The following MACROD2 variants were observed in gnomAD, a reference collection of about 807,000 sequenced individuals.
MACROD2 encodes mono-ADP ribosylhydrolase 2, also known as ADP-ribose glycohydrolase MACROD2.
Under a neutral mutation model 70.4 loss-of-function variants are expected in MACROD2, and 36 were observed. The ratio of observed to expected loss-of-function variants is 0.51; its 90% CI spans 0.39 to 0.68. The LOEUF is 0.68. MACROD2 is among the 30% of genes least tolerant of loss of function. The pLI, the probability that MACROD2 is intolerant of heterozygous loss-of-function variation, is 0.00. For missense variants in MACROD2, 496 were observed against 538.4 expected (o/e 0.92, Z 0.78); for synonymous variants, 172 against 178.8 (o/e 0.96, Z 0.30).
intron 15 of MACROD2, among the ~76,000 whole-genome samples, chr20:16,034,325 G>A (rs917968565): frequency 2.6e-5 from 4 of 151,940 alleles, no homozygotes; most frequent in African/African-American, 4.8e-5. Flanking sequence ...TGATATTGAC[G>A]CTGTGTTATT....
intron 5 of MACROD2, among the ~76,000 whole-genome samples, chr20:14,959,061 G>T (rs892238825): frequency 2.0e-5 from 3 of 152,114 alleles, no homozygotes; most frequent in African/African-American, 4.8e-5. Context: ...AAATTCAAAA[G>T]GTGAAAAGTA....
chr20:15,404,981 AAT>A (rs2045979696), intron 6 of MACROD2, among the ~76,000 whole-genome samples: 1 of 152,260 alleles, frequency 6.6e-6, no homozygotes, highest in Non-Finnish European at 1.5e-5. Flanking sequence ...TACGTGCTAC[AAT>A]ATGAGTGAAC....
Position 14,343,196 on chromosome 20 carries a change from G to A in MACROD2, c.272-150283G>A, listed in dbSNP as rs550937680. ...GTCAAAGCTGTGTCCTTGACCCCTTGCCACTCCCCAGTGCCCTGTCCCCTT... is the reference window on the plus strand; with the variant it reads ...GTCAAAGCTGTGTCCTTGACCCCTTACCACTCCCCAGTGCCCTGTCCCCTT... On this transcript the variant is annotated intron_variant, in intron 3 of 17. Transcript: ENST00000684519. 3.0e-4 allele frequency among the ~76,000 whole-genome samples: 45 copies of A among 150,910 alleles called. 1 individual carries two copies. Among genetic ancestry groups the A allele is most frequent in the Admixed American group, 2.3e-3 (34 of 15,098 alleles).
At chr20:15,176,177 A>C (rs1431648648) in intron 5 of MACROD2, among the ~76,000 whole-genome samples, 1 of 152,296 alleles carries the variant, frequency 6.6e-6, no homozygotes, top group East Asian at 1.9e-4. Flanking sequence ...GAGGGAAGCA[A>C]AGGAGGGGCT....
chr20:15,041,043 C>G (rs555651442), intron 5 of MACROD2, among the ~76,000 whole-genome samples: 1 of 152,220 alleles, frequency 6.6e-6, no homozygotes, highest in Non-Finnish European at 1.5e-5. Flanking sequence ...ACTGGTATGA[C>G]TTGTTATATG....
At chr20:15,410,222 C>T (rs147998121) in intron 6 of MACROD2, among the ~76,000 whole-genome samples, 1 of 152,234 alleles carries the variant, frequency 6.6e-6, no homozygotes, top group East Asian at 1.9e-4. Context: ...AGCCTTACTC[C>T]ACCACTCTCC....
chr20:14,309,159 A>G (rs2082544941), intron 3 of MACROD2, among the ~76,000 whole-genome samples: 1 of 152,062 alleles, frequency 6.6e-6, no homozygotes, highest in Non-Finnish European at 1.5e-5. Context: ...TTTATAATTT[A>G]TTTCTTACAT....
intron 5 of MACROD2, among the ~76,000 whole-genome samples, chr20:14,807,094 A>G (rs2122160086): frequency 6.6e-6 from 1 of 152,238 alleles, no homozygotes; most frequent in African/African-American, 2.4e-5. Flanking sequence ...AGCTCTGCCA[A>G]GGGACAGACT....
At chr20:14,887,589 T>C (rs1056038325) in intron 5 of MACROD2, among the ~76,000 whole-genome samples, 1 of 151,934 alleles carries the variant, frequency 6.6e-6, no homozygotes, top group Admixed American at 6.6e-5. Flanking sequence ...CGTTTCACCA[T>C]GTTGCCCAGG....
At chr20:15,940,681 A>AC (rs1026216814) in intron 12 of MACROD2, among the ~76,000 whole-genome samples, 5 of 152,182 alleles carry the variant, frequency 3.3e-5, no homozygotes, top group Admixed American at 1.3e-4. Flanking sequence ...TTTAGTGAAA[A>AC]AGTATTTTTC....
intron 6 of MACROD2, among the ~76,000 whole-genome samples, chr20:15,389,813 ATCAG>A (rs1253972281): frequency 2.0e-5 from 3 of 152,212 alleles, no homozygotes; most frequent in Non-Finnish European, 2.9e-5. Context: ...TTAAATATAT[ATCAG>A]TCAATAATAT....
chr20:14,469,598 A>G (rs1054881131), intron 3 of MACROD2, among the ~76,000 whole-genome samples: 1 of 151,708 alleles, frequency 6.6e-6, no homozygotes, highest in Non-Finnish European at 1.5e-5. Context: ...ACATAGTCCC[A>G]TATTTCTTGG....
In MACROD2 at chr20:15,194,245, CAAAAAAAA is replaced by C. The variant is rs71190180; in HGVS notation, c.419-35677_419-35670del. ...TGGGTGACAGAGCGACACTCTGTCT[CAAAAAAAA>C]AAAAAAAAAAAAAAAAAGCTTCTTC... On this transcript the variant is annotated intron_variant, in intron 5 of 17. Transcript: ENST00000684519. 1.0e-4 allele frequency among the ~76,000 whole-genome samples: 5 copies of C among 49,846 alleles called. No individual in the cohort carries two copies. The Admixed American group carries it at 1.0e-3, about 10-fold the overall frequency. The allele number at this position is 49,846 out of a possible 152,430, so 32.7% of individuals were successfully genotyped here.
At chr20:15,933,803 A>G (rs1419774636) in intron 11 of MACROD2, among the ~76,000 whole-genome samples, 1 of 152,188 alleles carries the variant, frequency 6.6e-6, no homozygotes, top group Non-Finnish European at 1.5e-5. Context: ...TTCTCTGCAT[A>G]TTGCAGGAGA....
chr20:13,995,842 CGGTGGGGGTTAGGGTGGG>C lies in MACROD2; in HGVS notation c.46+36_46+53del. On this transcript the variant is annotated intron_variant, in intron 1 of 17. Coordinates refer to ENST00000684519, the MANE Select transcript of MACROD2 (RefSeq NM_001351661.2). This position sits in a 1 kb window ranked among gnomAD's most constrained non-coding sequence, Gnocchi z 4.3. ...GCCCGTCGAGTCCTGGGGGTGCGGGCGGTGGGGGTTAGGGTGGGGGCGGGGGTCAGGCTGTGTGTGCCG... is the reference window on the plus strand; with the variant it reads ...GCCCGTCGAGTCCTGGGGGTGCGGGCGGCGGGGGTCAGGCTGTGTGTGCCG... The C allele has an allele frequency of 2.9e-6, 1 of 340,944 alleles. No homozygotes were observed. Among genetic ancestry groups the C allele is most frequent in the Non-Finnish European group, 5.5e-6 (1 of 182,424 alleles). 21.1% of individuals were successfully genotyped at this position (340,944 alleles called of 1,614,324 possible).
intron 5 of MACROD2, among the ~76,000 whole-genome samples, chr20:14,924,196 T>C (rs1175959528): frequency 1.3e-5 from 2 of 152,162 alleles, no homozygotes; most frequent in African/African-American, 4.8e-5. Flanking sequence ...TGTGGTGGCT[T>C]GTGCCTGTAA....
At chr20:15,779,564 G>T (rs1042793007) in intron 8 of MACROD2, among the ~76,000 whole-genome samples, 1 of 152,134 alleles carries the variant, frequency 6.6e-6, no homozygotes, top group South Asian at 2.1e-4. Flanking sequence ...TTAAGACTCT[G>T]GAAAACTTAC....
intron 5 of MACROD2, chr20:14,758,103 G>C (rs1236176287): frequency 2.1e-5 from 7 of 326,606 alleles, no homozygotes; most frequent in Non-Finnish European, 3.3e-5. Flanking sequence ...AGCCAAAAAA[G>C]CTTAAAAAAA....
At chr20:16,023,494 AGAG>A (rs1288213172) in intron 15 of MACROD2, among the ~76,000 whole-genome samples, 1 of 149,054 alleles carries the variant, frequency 6.7e-6, no homozygotes, top group African/African-American at 2.5e-5. Flanking sequence ...AAAAAAAAAA[AGAG>A]ATGGTGCCTT....
Sources: gnomAD v4.1 joint callset for allele counts (sites outside exome capture counted in the v4.1 genomes callset) on GRCh38, gnomAD v4.1.1 for gene constraint, Gnocchi (gnomAD v3.1) non-coding constraint, MANE v1.5 for transcripts, NCBI Gene and HGNC (gene_info 2026-07-23, HGNC 2026-07-21) for gene names.